Variants in EVA1C observed in about 807,000 individuals in gnomAD.
EVA1C encodes eva-1 homolog C.
EVA1C carries 25 observed loss-of-function variants against 45.4 expected under a neutral mutation model. That is an observed-to-expected ratio of 0.55 (90% CI 0.40 to 0.77). EVA1C has a LOEUF of 0.77. Ranked by LOEUF, EVA1C falls within the 30% of genes least tolerant of loss-of-function variation. EVA1C has a pLI of 0.00. For missense variants in EVA1C, 479 were observed against 554.8 expected, an observed-to-expected ratio of 0.86 and a Z score of 1.37; for synonymous variants, 190 against 221.2, an observed-to-expected ratio of 0.86 and a Z score of 1.25.
chr21:32,507,969 ATG>A (rs79058761), intron 7 of EVA1C, among the ~76,000 whole-genome samples: 13,689 of 148,578 alleles, frequency 0.092, 650 homozygotes, highest in African/African-American at 0.11. Context: ...GTGTATCTGT[ATG>A]TGTGCCTGCA....
At chr21:32,472,673 G>T (rs983988433) in intron 4 of EVA1C, among the ~76,000 whole-genome samples, 3 of 152,046 alleles carry the variant, frequency 2.0e-5, no homozygotes, top group African/African-American at 7.2e-5. Context: ...ATTAAAGAAA[G>T]TGTTAGCAGA....
At chr21:32,482,856 T>G (rs1044653922) in intron 4 of EVA1C, among the ~76,000 whole-genome samples, 10 of 5,492 alleles carry the variant, frequency 1.8e-3, no homozygotes, top group African/African-American at 6.3e-3. Flanking sequence ...GTTATTCCCT[T>G]TTTTTTTTTT....
chr21:32,434,127 C>G (rs1327984897), intron 1 of EVA1C, among the ~76,000 whole-genome samples: 2 of 151,148 alleles, frequency 1.3e-5, no homozygotes, highest in Admixed American at 1.3e-4. Flanking sequence ...AAAACTGTCT[C>G]TACTAAAAAT....
At chr21:32,436,776 C>A (rs921428406) in intron 1 of EVA1C, among the ~76,000 whole-genome samples, 1 of 152,260 alleles carries the variant, frequency 6.6e-6, no homozygotes, top group Non-Finnish European at 1.5e-5. Flanking sequence ...GGCAGACACG[C>A]CATGGGGAGT....
intron 4 of EVA1C, among the ~76,000 whole-genome samples, chr21:32,492,569 C>A (rs8131560): frequency 6.6e-6 from 1 of 151,802 alleles, no homozygotes; most frequent in African/African-American, 2.4e-5. Context: ...GCCCCTGTGC[C>A]TTCATACTCT....
chr21:32,494,647 G>A (rs969701828), intron 4 of EVA1C, among the ~76,000 whole-genome samples: 1 of 152,164 alleles, frequency 6.6e-6, no homozygotes, highest in African/African-American at 2.4e-5. Context: ...GCTGGGCATA[G>A]TGGCATGCGC....
intron 1 of EVA1C, among the ~76,000 whole-genome samples, chr21:32,423,839 G>T (rs2034387153): frequency 6.6e-6 from 1 of 152,104 alleles, no homozygotes. Context: ...CAAAACTCAG[G>T]CCACGGAGTC....
rs1261628259 is a variant in EVA1C at position 32,514,881 on chromosome 21, C to T, written c.1017C>T (p.Cys339=). ...SVCIGLALTL[C]ALVIRESCAK... ...GCATCGGCCTGGCCCTCACACTGTG[C>T]GCCCTGGTCATCAGAGAGTCCTGTG... The change falls in exon 8 of 8, where the codon TGC becomes TGT. Residue 339 remains cysteine, a synonymous_variant. Coordinates refer to ENST00000300255, the MANE Select transcript of EVA1C (RefSeq NM_058187.5). The T allele has an allele frequency of 3.7e-6, 6 of 1,612,942 alleles. No homozygotes were observed. The highest frequency in any genetic ancestry group is 2.7e-5 in the African/African-American group (2 of 74,890).
chr21:32,499,156 G>C (rs146021332), intron 5 of EVA1C, among the ~76,000 whole-genome samples: 322 of 152,286 alleles, frequency 2.1e-3, no homozygotes, highest in African/African-American at 7.6e-3. Context: ...AAAGCCTCTG[G>C]CATTTGCCAA....
chr21:32,413,961 C>G (rs2033934079), intron 1 of EVA1C, among the ~76,000 whole-genome samples: 1 of 152,164 alleles, frequency 6.6e-6, no homozygotes, highest in Non-Finnish European at 1.5e-5. Flanking sequence ...CCTATCGGGT[C>G]CTCAGTGCAG....
rs371693767 is a variant in EVA1C at position 32,449,261 on chromosome 21, T to C, written c.161-4051T>C. On this transcript the variant is annotated intron_variant, in intron 1 of 7. Transcript: ENST00000300255. ...AGTTTACATGAGGGCTCACTTTTGG[T>C]GTTGTACGTTGCATGGGTTTGGACG... Among the ~76,000 whole-genome samples the C allele has an allele frequency of 1.9e-4, 29 of 152,326 alleles. 1 individual carries two copies. In the South Asian group the frequency reaches 6.0e-3, roughly 32 times the overall value.
chr21:32,433,929 C>T (rs1409368674), intron 1 of EVA1C, among the ~76,000 whole-genome samples: 7 of 151,984 alleles, frequency 4.6e-5, no homozygotes, highest in Non-Finnish European at 1.0e-4. Flanking sequence ...GAGGCTGAGG[C>T]GGGAGGATCA....
intron 5 of EVA1C, among the ~76,000 whole-genome samples, chr21:32,497,466 T>C (rs1265880636): frequency 6.6e-6 from 1 of 152,204 alleles, no homozygotes; most frequent in Non-Finnish European, 1.5e-5. Flanking sequence ...AAAATATTTT[T>C]ATAAGTAAAT....
chr21:32,457,870 G>C, intron 3 of EVA1C, 150 bp downstream of exon 3: 1 of 828,174 alleles, frequency 1.2e-6, no homozygotes. Flanking sequence ...GTTTTTTAGA[G>C]ACAGAGAGAG....
intron 1 of EVA1C, among the ~76,000 whole-genome samples, chr21:32,422,864 A>C (rs2034334361): frequency 7.1e-6 from 1 of 140,870 alleles, no homozygotes; most frequent in Non-Finnish European, 1.5e-5. Flanking sequence ...TGAGGTCAGG[A>C]GTTCGGGACC....
intron 7 of EVA1C, among the ~76,000 whole-genome samples, chr21:32,512,460 T>C (rs2146479596): frequency 6.6e-6 from 1 of 152,274 alleles, no homozygotes; most frequent in South Asian, 2.1e-4. Context: ...CTTCCTTCAC[T>C]TATAGCTCAA....
At position 32,503,941 on chromosome 21, in the gene EVA1C, C is replaced by G; in HGVS notation, c.875C>G (p.Pro292Arg). The G allele has an allele frequency of 6.2e-7, 1 of 1,610,972 alleles. No individual in the cohort carries two copies. Among genetic ancestry groups the G allele is most frequent in the Non-Finnish European group, 8.5e-7 (1 of 1,179,394 alleles). ...KDGEYGINFD[P>R]SGSKVLRKDG... The stretch of plus-strand genomic sequence containing the variant: ...CATGAAACAGGTATAAACTTCGACC[C>G]AAGCGGATCGAAGGTTCTGAGGAAA... The change falls in exon 7 of 8, where the codon CCA (proline) becomes CGA (arginine). Residue 292 changes from proline to arginine, a missense_variant. Transcript: ENST00000300255.
At chr21:32,444,440 C>T (rs575594959) in intron 1 of EVA1C, among the ~76,000 whole-genome samples, 1 of 152,226 alleles carries the variant, frequency 6.6e-6, no homozygotes, top group Non-Finnish European at 1.5e-5. Flanking sequence ...GGGAAGTTCA[C>T]TTATGTTTAT....
chr21:32,467,492 G>T (rs1023205162), intron 3 of EVA1C, among the ~76,000 whole-genome samples: 19 of 152,074 alleles, frequency 1.2e-4, no homozygotes, highest in African/African-American at 4.3e-4. Flanking sequence ...GGGTCTTTGC[G>T]CTTGTCAACA....
Sources: allele counts gnomAD v4.1 joint callset (sites outside exome capture counted in the v4.1 genomes callset), GRCh38; gene constraint gnomAD v4.1.1; transcripts MANE v1.5; gene names NCBI Gene and HGNC (gene_info 2026-07-23, HGNC 2026-07-21).